MREG: variants seen among roughly 807,000 people sequenced by gnomAD.
The protein encoded by MREG is melanoregulin.
A neutral mutation model predicts 28.5 loss-of-function variants in MREG; 31 were observed. That is an observed-to-expected ratio of 1.09 (90% CI 0.82 to 1.47). The LOEUF (loss-of-function observed/expected upper bound fraction) is 1.47. Ranked by LOEUF, MREG falls within the 40% of genes most tolerant of loss-of-function variation. The pLI is 0.00. For missense variants in MREG, 256 were observed against 257.4 expected (o/e 0.99, Z 0.04); for synonymous variants, 106 against 95.2 (o/e 1.11, Z -0.66).
chr2:216,020,113 C>T (rs1246536266), intron 1 of MREG, among the ~76,000 whole-genome samples: 1 of 152,090 alleles, frequency 6.6e-6, no homozygotes, highest in African/African-American at 2.4e-5. Context: ...TCAGCCCTTC[C>T]ATGAAGGGAT....
chr2:215,963,277 G>A lies in MREG; in HGVS notation c.256-16164C>T, dbSNP rs1331813159. Reference sequence around the variant, plus strand: ...GAGTTCAGACCAGCCTGGGCAACATGGTGAAAACCCCGCCTCTACCAAAAA... The same window carrying A: ...GAGTTCAGACCAGCCTGGGCAACATAGTGAAAACCCCGCCTCTACCAAAAA... On this transcript the variant is annotated intron_variant, in intron 2 of 4. Coordinates refer to ENST00000263268, the MANE Select transcript of MREG (RefSeq NM_018000.3). Among the ~76,000 whole-genome samples the A allele has an allele frequency of 4.0e-5, 6 of 151,552 alleles. No homozygotes were observed. In the East Asian group the frequency reaches 1.2e-3, roughly 29 times the overall value.
chr2:216,009,461 C>T (rs987803151), intron 1 of MREG, among the ~76,000 whole-genome samples: 1 of 152,170 alleles, frequency 6.6e-6, no homozygotes, highest in Non-Finnish European at 1.5e-5. Flanking sequence ...ACATTTACAC[C>T]ACAGCCAGCT....
intron 1 of MREG, among the ~76,000 whole-genome samples, chr2:216,031,880 C>T (rs1694716832): frequency 1.3e-5 from 2 of 152,166 alleles, no homozygotes; most frequent in African/African-American, 4.8e-5. Flanking sequence ...TTATCTTCCT[C>T]CTCATCTTTT....
At chr2:215,985,779 T>C (rs981621153) in intron 2 of MREG, among the ~76,000 whole-genome samples, 1 of 152,218 alleles carries the variant, frequency 6.6e-6, no homozygotes, top group Admixed American at 6.5e-5. Flanking sequence ...TTTTGTGCTA[T>C]TTCTACTCAA....
intron 2 of MREG, among the ~76,000 whole-genome samples, chr2:215,980,082 C>T (rs1693383822): frequency 6.6e-6 from 1 of 152,024 alleles, no homozygotes; most frequent in Admixed American, 6.5e-5. Context: ...AAATTTTGAC[C>T]ATCACAAGCA....
Position 215,945,624 on chromosome 2 carries a change from T to C in MREG, c.457A>G (p.Thr153Ala), listed in dbSNP as rs1692299229. 1 of 1,613,966 alleles carries C rather than the reference T, an allele frequency of 6.2e-7. No homozygotes were observed. Among genetic ancestry groups the C allele is most frequent in the Non-Finnish European group, 8.5e-7 (1 of 1,179,866 alleles). ...TCCCAACTTGTTGGGAAAATATTGG[T>C]TTCTTCAGCCAGTTTTAACAACATC... Reference protein sequence around the residue: ...REMLLKLAEETNIFPTSWELS... With the variant: ...REMLLKLAEEANIFPTSWELS... Residue 153 changes from threonine to alanine, a missense_variant, in exon 4 of 5, where the codon ACC becomes GCC. Transcript: ENST00000263268.
At chr2:216,017,879 G>A (rs1054193904), upstream of MREG, among the ~76,000 whole-genome samples, 2 of 152,044 alleles carry the variant, frequency 1.3e-5, no homozygotes, top group Admixed American at 1.3e-4. Context: ...GCCCAGGCAC[G>A]GTGGCTCATG....
chr2:215,939,720 G>A (rs749405823), downstream of MREG: 5 of 151,942 alleles, frequency 3.3e-5, no homozygotes, highest in Non-Finnish European at 7.4e-5. Context: ...ATAAACTTTC[G>A]GATACAAATT....
At chr2:216,032,063 T>C (rs944511042) in intron 1 of MREG, among the ~76,000 whole-genome samples, 6 of 152,242 alleles carry the variant, frequency 3.9e-5, no homozygotes, top group Admixed American at 6.5e-5. Flanking sequence ...AGACAGCTTT[T>C]CATGCAGAAG....
At position 216,010,354 on chromosome 2, in the gene MREG, C is replaced by CTTTTTTTTTTTT. The variant is rs1164326774; in HGVS notation, c.95+2867_95+2878dup. ...TAGAACTGTGAAAGAAAAGATTTCT[C>CTTTTTTTTTTTT]TTTTTTTTTTTTTTTTTTTTTGAGA... On this transcript the variant is annotated intron_variant, in intron 1 of 4. Transcript: ENST00000263268. Among the ~76,000 whole-genome samples, 33 of 94,374 alleles carry CTTTTTTTTTTTT rather than the reference C, an allele frequency of 3.5e-4. 1 individual carries two copies. Among genetic ancestry groups the CTTTTTTTTTTTT allele is most frequent in the South Asian group, 8.0e-4 (2 of 2,504 alleles). The allele number at this position is 94,374 out of a possible 152,430, so 61.9% of individuals were successfully genotyped here. A position where few individuals can be genotyped will look rare whatever the true frequency, so the allele number is the denominator to read the frequency against.
At chr2:215,949,071 ACTACTACTACTACTAC>A (rs772186329) in intron 2 of MREG, among the ~76,000 whole-genome samples, 29 of 139,488 alleles carry the variant, frequency 2.1e-4, no homozygotes, top group East Asian at 1.1e-3. Flanking sequence ...TACTACTACT[ACTACTACTACTACTAC>A]TAATAATAAT....
At chr2:215,997,165 C>A (rs1290503934) in intron 1 of MREG, among the ~76,000 whole-genome samples, 1 of 152,144 alleles carries the variant, frequency 6.6e-6, no homozygotes, top group Non-Finnish European at 1.5e-5. Context: ...TTCAAGGAAG[C>A]ATAGTAAACT....
intron 2 of MREG, among the ~76,000 whole-genome samples, chr2:215,962,020 C>T (rs1692805706): frequency 6.6e-6 from 1 of 152,182 alleles, no homozygotes; most frequent in South Asian, 2.1e-4. Context: ...TAATGCAGTC[C>T]CACCACTCTT....
chr2:216,029,217 C>T (rs988445850), intron 1 of MREG, among the ~76,000 whole-genome samples: 11 of 152,222 alleles, frequency 7.2e-5, no homozygotes, highest in African/African-American at 1.7e-4. Flanking sequence ...TGGTGGCTCA[C>T]GCCTGTAATC....
chr2:215,949,330 C>A (rs1461440062), intron 2 of MREG, among the ~76,000 whole-genome samples: 2 of 149,646 alleles, frequency 1.3e-5, no homozygotes, highest in Admixed American at 1.3e-4. Flanking sequence ...GAGGCTGAGG[C>A]GGGTGGATCA....
chr2:216,020,719 C>A (rs1010543463), intron 1 of MREG, among the ~76,000 whole-genome samples: 1 of 152,140 alleles, frequency 6.6e-6, no homozygotes, highest in Non-Finnish European at 1.5e-5. Flanking sequence ...TAACAGCTAG[C>A]GATGCACTGT....
chr2:216,004,286 T>C (rs554853660), intron 1 of MREG, among the ~76,000 whole-genome samples: 1 of 152,358 alleles, frequency 6.6e-6, no homozygotes, highest in East Asian at 1.9e-4. Context: ...GCTCTACTTT[T>C]GTTTCCTACA....
chr2:216,013,819 A>G (rs1694383242), upstream of MREG, among the ~76,000 whole-genome samples: 1 of 152,130 alleles, frequency 6.6e-6, no homozygotes, highest in Middle Eastern at 3.4e-3. Context: ...CCCCACCCCT[A>G]CAGGCCTTCA....
chr2:215,973,941 A>G lies in MREG; in HGVS notation c.255+22365T>C, dbSNP rs1693173841. ...TGCATGCTTGTGGCCTCCTGCTGCA[A>G]AACATGTTTTTTATGGAAGAAGAAA... On this transcript the variant is annotated intron_variant, in intron 2 of 4. Coordinates refer to ENST00000263268, the MANE Select transcript of MREG (RefSeq NM_018000.3). 2.0e-5 allele frequency among the ~76,000 whole-genome samples: 3 copies of G among 152,196 alleles called. No homozygotes were observed. In the South Asian group the frequency reaches 6.2e-4, roughly 32 times the overall value.
Sources: allele counts gnomAD v4.1 joint callset (sites outside exome capture counted in the v4.1 genomes callset), GRCh38; gene constraint gnomAD v4.1.1; transcripts MANE v1.5; gene names NCBI Gene and HGNC (gene_info 2026-07-23, HGNC 2026-07-21).